GLIS3: variants seen among roughly 807,000 people sequenced by gnomAD.
GLIS3 encodes the protein GLIS family zinc finger 3.
GLIS3 carries 53 observed loss-of-function variants against 78.6 expected under a neutral mutation model. The observed-to-expected ratio is 0.67, with a 90% CI of 0.54 to 0.85. The LOEUF (loss-of-function observed/expected upper bound fraction) is 0.85, where lower values mean the gene tolerates loss of function less well. Among genes scored for constraint, GLIS3 ranks in the 40% least tolerant of loss-of-function variants. The pLI, the probability that GLIS3 is intolerant of heterozygous loss-of-function variation, is 0.00. For synonymous variants in GLIS3, 684 were observed against 509.9 expected (o/e 1.34, Z -4.60); for missense variants, 1,703 against 1,231.1 (o/e 1.38, Z -5.74).
At chr9:4,354,989 G>A in the GLIS3 span, among the ~76,000 whole-genome samples, 2 of 151,994 alleles carry the variant, frequency 1.3e-5, no homozygotes, top group Non-Finnish European at 2.9e-5. Context: ...GGTGGCGGGT[G>A]CCTGTAGTCC....
At chr9:4,080,361 G>C (rs939789327) in intron 4 of GLIS3, among the ~76,000 whole-genome samples, 1 of 151,934 alleles carries the variant, frequency 6.6e-6, no homozygotes, top group Non-Finnish European at 1.5e-5. Context: ...TCATTTAAGG[G>C]GGCTCCAAAA....
chr9:4,432,113 A>G, the GLIS3 span, among the ~76,000 whole-genome samples: 1 of 152,192 alleles, frequency 6.6e-6, no homozygotes, highest in Non-Finnish European at 1.5e-5. Context: ...AAGGGAGAGC[A>G]CCATGGAAGA....
Position 4,296,740 on chromosome 9 carries a change from A to C in GLIS3, c.-99+2681T>G, listed in dbSNP as rs186945536. ...GAAAAGAAAGCAATTACAAACTACC[A>C]ATAAGGACAGGTGTTTTGAAAATAG... On this transcript the variant is annotated intron_variant, in intron 1 of 10. Transcript: ENST00000381971. Among the ~76,000 whole-genome samples, 498 of 152,078 alleles carry C rather than the reference A, an allele frequency of 3.3e-3. 2 individuals are homozygous for C. Among genetic ancestry groups the C allele is most frequent in the African/African-American group, 0.011 (470 of 41,476 alleles).
chr9:3,984,741 T>C (rs1472381436), intron 4 of GLIS3, among the ~76,000 whole-genome samples: 1 of 152,178 alleles, frequency 6.6e-6, no homozygotes, highest in African/African-American at 2.4e-5. Context: ...TGTGTCCCCA[T>C]CCAAATCTCA....
chr9:4,154,746 G>A (rs889673618), intron 2 of GLIS3, among the ~76,000 whole-genome samples: 3 of 151,966 alleles, frequency 2.0e-5, no homozygotes, highest in Non-Finnish European at 4.4e-5. Context: ...AAACCTTTGG[G>A]GAAGCAACTT....
At chr9:3,947,860 T>C (rs1467672185) in intron 4 of GLIS3, among the ~76,000 whole-genome samples, 2 of 152,204 alleles carry the variant, frequency 1.3e-5, no homozygotes, top group African/African-American at 4.8e-5. Flanking sequence ...GCAGAGATAT[T>C]TTCCTGACAC....
intron 6 of GLIS3, among the ~76,000 whole-genome samples, chr9:3,909,453 G>A (rs453166): frequency 0.72 from 109,125 of 152,042 alleles, 39,470 homozygotes; most frequent in Admixed American, 0.76. Flanking sequence ...AAAGAGAAAT[G>A]AGAGTAAAGA....
At chr9:4,249,099 C>A (rs1009806536) in intron 2 of GLIS3, among the ~76,000 whole-genome samples, 1 of 152,090 alleles carries the variant, frequency 6.6e-6, no homozygotes. Context: ...TTAGGGTTGT[C>A]TCGGCTATAT....
At position 4,115,947 on chromosome 9, in the gene GLIS3, T is replaced by C. The variant is rs964454866; in HGVS notation, c.1710+1821A>G. 9.2e-5 allele frequency among the ~76,000 whole-genome samples: 14 copies of C among 152,164 alleles called. 1 individual carries two copies. Among genetic ancestry groups the C allele is most frequent in the Non-Finnish European group, 4.4e-5 (3 of 68,020 alleles). ...CCCATACCCATTCTGAACAATACAA[T>C]GAGAAGCTATGCATAAGCCTGCGAA... On this transcript the variant is annotated intron_variant, in intron 4 of 10. Transcript: ENST00000381971.
the GLIS3 span, among the ~76,000 whole-genome samples, chr9:4,416,252 T>TTTTAA: frequency 0.033 from 2,481 of 75,588 alleles, 147 homozygotes; most frequent in African/African-American, 0.063. Flanking sequence ...ACACTGTTTT[T>TTTTAA]AAAAAAAAAA....
chr9:4,239,835 G>A lies in GLIS3; in HGVS notation c.388+46203C>T, dbSNP rs371424722. Among the ~76,000 whole-genome samples, 71 of 152,206 alleles carry A rather than the reference G, an allele frequency of 4.7e-4. 4 individuals are homozygous for A. In the East Asian group the frequency reaches 0.011, roughly 24 times the overall value. ...GTGGTTGATTTGTATCATCTACCAC[G>A]GTCATTAGATTTCAGGAGTGTTTGC... On this transcript the variant is annotated intron_variant, in intron 2 of 10. Transcript: ENST00000381971.
chr9:3,981,750 A>G (rs916293454), intron 4 of GLIS3, among the ~76,000 whole-genome samples: 3 of 152,182 alleles, frequency 2.0e-5, no homozygotes, highest in African/African-American at 7.2e-5. Context: ...TTTGGAAGAC[A>G]TCATACTAAT....
upstream of GLIS3, among the ~76,000 whole-genome samples, chr9:4,302,585 T>G (rs928416061): frequency 6.6e-6 from 1 of 152,220 alleles, no homozygotes; most frequent in Non-Finnish European, 1.5e-5. Flanking sequence ...TCAAATCAAA[T>G]GTATGATGTG....
Position 4,327,780 on chromosome 9 carries a change from A to G in GLIS3, n.265-17252T>C, listed in dbSNP as rs532032041. On this transcript the variant is annotated intron_variant and non_coding_transcript_variant, in intron 2 of 4. Coordinates refer to the GLIS3 transcript ENST00000471664. ...GGCATGAGCAGTAGCACAGTAGGCA[A>G]GAAGTGTCTCCCTGGACCTGGGCCT... 2.0e-5 allele frequency among the ~76,000 whole-genome samples: 3 copies of G among 152,320 alleles called. No individual in the cohort carries two copies. In the South Asian group the frequency reaches 6.2e-4, roughly 32 times the overall value.
intron 4 of GLIS3, among the ~76,000 whole-genome samples, chr9:4,006,797 A>G (rs991584164): frequency 6.6e-6 from 1 of 152,210 alleles, no homozygotes; most frequent in African/African-American, 2.4e-5. Context: ...AGAGTTTATT[A>G]TTAGATTTCC....
chr9:4,365,628 A>G, the GLIS3 span, among the ~76,000 whole-genome samples: 2 of 152,196 alleles, frequency 1.3e-5, no homozygotes, highest in African/African-American at 4.8e-5. Context: ...GCATCTTATC[A>G]CCCTGACTTG....
the GLIS3 span, among the ~76,000 whole-genome samples, chr9:4,397,243 T>A: frequency 2.0e-5 from 3 of 147,358 alleles, no homozygotes; most frequent in African/African-American, 7.7e-5. Context: ...GCCGGGATGG[T>A]CTCGATCTCC....
At chr9:4,273,382 C>A (rs1025713623) in intron 2 of GLIS3, among the ~76,000 whole-genome samples, 2 of 151,984 alleles carry the variant, frequency 1.3e-5, no homozygotes, top group African/African-American at 2.4e-5. Flanking sequence ...GTCACTTAAG[C>A]CCAGGAATTC....
chr9:4,128,896 CA>C (rs1832761642), intron 2 of GLIS3, among the ~76,000 whole-genome samples: 1 of 152,178 alleles, frequency 6.6e-6, no homozygotes, highest in African/African-American at 2.4e-5. Context: ...ACTTTACACT[CA>C]AGTGTAAAGC....
Sources: gnomAD v4.1 joint callset for allele counts (sites outside exome capture counted in the v4.1 genomes callset) on GRCh38, gnomAD v4.1.1 for gene constraint, MANE v1.5 for transcripts, NCBI Gene and HGNC (gene_info 2026-07-23, HGNC 2026-07-21) for gene names.